The following TECPR1 variants were observed in gnomAD, a reference collection of about 807,000 sequenced individuals.
The protein encoded by TECPR1 is tectonin beta-propeller repeat containing 1, also known as tectonin beta-propeller repeat-containing protein 1.
TECPR1 carries 122 observed loss-of-function variants against 162.4 expected under a neutral mutation model. The ratio of observed to expected loss-of-function variants is 0.75; its 90% CI spans 0.65 to 0.87. The LOEUF (loss-of-function observed/expected upper bound fraction) is 0.87. Among genes scored for constraint, TECPR1 ranks in the 40% least tolerant of loss-of-function variants. The probability of loss-of-function intolerance (pLI) is 0.00; values close to 1 mark genes in which losing one functional copy is unlikely to be tolerated. For missense variants in TECPR1, 1,432 were observed against 1,618.2 expected (o/e 0.88, Z 1.97); for synonymous variants, 642 against 670.6 (o/e 0.96, Z 0.66).
chr7:98,215,324 T>A lies in TECPR1; in HGVS notation c.*2066A>T, dbSNP rs1033079385. On this transcript the variant is annotated 3_prime_UTR_variant, in exon 26 of 26. Transcript: ENST00000447648. ...GAACGGCCCGTGCCCCCACTGTAATTGTGCTGAAAATGTTTCTCAAATGAC... is the reference window on the plus strand; with the variant it reads ...GAACGGCCCGTGCCCCCACTGTAATAGTGCTGAAAATGTTTCTCAAATGAC... 1 of 152,272 alleles carries A rather than the reference T, an allele frequency of 6.6e-6. No individual in the cohort carries two copies. The highest frequency in any genetic ancestry group is 2.4e-5 in the African/African-American group (1 of 41,472). The allele number at this position is 152,272 out of a possible 1,614,324, so 9.4% of individuals were successfully genotyped here.
Position 98,228,129 on chromosome 7 carries a change from G to T in TECPR1, c.2411-13C>A. ...CTGCTGGCCAGGCCTGTGGGGAGAG[G>T]TGGCTGCTGGGACCGAGGCCACATA... On this transcript the variant is annotated splice_polypyrimidine_tract_variant and intron_variant, in intron 16 of 25. Coordinates refer to ENST00000447648, the MANE Select transcript of TECPR1 (RefSeq NM_015395.3). 1 of 1,601,556 alleles carries T rather than the reference G, an allele frequency of 6.2e-7. No individual in the cohort carries two copies. The highest frequency in any genetic ancestry group is 8.5e-7 in the Non-Finnish European group (1 of 1,173,152).
rs376519840 is a variant in TECPR1 at position 98,216,682 on chromosome 7, G to T, written c.*708C>A. 2.0e-5 allele frequency: 3 copies of T among 150,070 alleles called. No individual in the cohort carries two copies. Among genetic ancestry groups the T allele is most frequent in the African/African-American group, 4.9e-5 (2 of 40,662 alleles). The allele number at this position is 150,070 out of a possible 1,614,324, so 9.3% of individuals were successfully genotyped here. On this transcript the variant is annotated 3_prime_UTR_variant, in exon 26 of 26. Coordinates refer to ENST00000447648, the MANE Select transcript of TECPR1 (RefSeq NM_015395.3). ...AACGATTCTCCTGCCTCAGCCTCCCGAGTAGCTGGGATTACAGGCACCCAC... is the reference window on the plus strand; with the variant it reads ...AACGATTCTCCTGCCTCAGCCTCCCTAGTAGCTGGGATTACAGGCACCCAC...
intron 23 of TECPR1, among the ~76,000 whole-genome samples, chr7:98,219,487 C>A (rs902997606): frequency 1.3e-5 from 2 of 152,184 alleles, no homozygotes; most frequent in African/African-American, 4.8e-5. Flanking sequence ...AACTATGCAA[C>A]TGACAAAGGA....
intron 3 of TECPR1, among the ~76,000 whole-genome samples, 152 bp downstream of exon 3, chr7:98,245,770 G>C (rs922589679): frequency 4.6e-5 from 7 of 152,124 alleles, no homozygotes; most frequent in African/African-American, 1.7e-4. Context: ...CACCACGCCT[G>C]GCAGCAACAC....
chr7:98,241,905 T>C lies in TECPR1; in HGVS notation c.658-661A>G, dbSNP rs76678315. Among the ~76,000 whole-genome samples, 436 of 152,280 alleles carry C rather than the reference T, an allele frequency of 2.9e-3. 11 individuals are homozygous for C. Among genetic ancestry groups the C allele is most frequent in the Admixed American group, 0.025 (382 of 15,298 alleles). ...TCCCCAGCTTCTACAGAAGCCCAGG[T>C]CCTGGTGCCACCTCTCATGGACCAC... On this transcript the variant is annotated intron_variant, in intron 6 of 25. Transcript: ENST00000447648. The surrounding 1 kb of genome is among the most constrained non-coding windows in gnomAD (Gnocchi z 5.0).
rs1485652978 is a variant in TECPR1 at position 98,217,738 on chromosome 7, A to C, written c.3338T>G (p.Val1113Gly). The change falls in exon 25 of 26, where the codon GTG (valine) becomes GGG (glycine). Residue 1113 changes from valine (V) to glycine (G), a missense_variant. Physicochemically the swap from Val to Gly is moderately radical, Grantham distance 109. Coordinates refer to ENST00000447648, the MANE Select transcript of TECPR1 (RefSeq NM_015395.3). ...GTGGCCCTTGGGCTCGTGAGGCTGC[A>C]CGCCGGTGCGATGACACACTGTCCC... ...SRGTVCHRTG[V>G]QPHEPKGHGW... is the part of the protein sequence containing the mutation. The C allele has an allele frequency of 1.1e-5, 17 of 1,550,180 alleles. No individual in the cohort carries two copies. In the South Asian group the frequency reaches 2.0e-4, roughly 18 times the overall value.
rs1798474821 is a variant in TECPR1 at position 98,232,633 on chromosome 7, C to T, written c.1818+194G>A. On this transcript the variant is annotated intron_variant, in intron 12 of 25. Coordinates refer to ENST00000447648, the MANE Select transcript of TECPR1 (RefSeq NM_015395.3). The surrounding 1 kb of genome is among the most constrained non-coding windows in gnomAD (Gnocchi z 4.6). ...CAGGGCCTCCAACGAGTCTGGAACACAGTGAGGCCCAAACCAAAGTCTTCA... is the reference window on the plus strand; with the variant it reads ...CAGGGCCTCCAACGAGTCTGGAACATAGTGAGGCCCAAACCAAAGTCTTCA... 1.3e-5 allele frequency among the ~76,000 whole-genome samples: 2 copies of T among 150,930 alleles called. 1 individual carries two copies. The highest frequency in any genetic ancestry group is 1.3e-4 in the Admixed American group (2 of 15,172).
rs150509376 is a variant in TECPR1 at position 98,243,627 on chromosome 7, C to T, written c.532-35G>A. 1.3e-3 allele frequency: 2,028 copies of T among 1,597,172 alleles called. 30 individuals are homozygous for T. The African/African-American group carries it at 0.021, about 16-fold the overall frequency. ...GGAAGTGAGAAATGGTAGCAGTCAG[C>T]GCCCAGTGGGCACCTGGGCATGCAC... On this transcript the variant is annotated intron_variant, in intron 5 of 25. Transcript: ENST00000447648.
intron 11 of TECPR1, 76 bp from the exon 12 acceptor site, chr7:98,233,048 C>T: frequency 6.7e-7 from 1 of 1,485,398 alleles, no homozygotes; most frequent in Non-Finnish European, 9.0e-7. Flanking sequence ...GCGCTCCCCT[C>T]CACCAAATCA....
chr7:98,234,446 G>A (rs1260518179), intron 10 of TECPR1, among the ~76,000 whole-genome samples: 1 of 152,136 alleles, frequency 6.6e-6, no homozygotes, highest in Non-Finnish European at 1.5e-5. Flanking sequence ...GAGCCACCGC[G>A]CCCGATCATA....
intron 2 of TECPR1, chr7:98,250,864 G>A (rs955974279): frequency 6.6e-6 from 1 of 152,114 alleles, no homozygotes; most frequent in Non-Finnish European, 1.5e-5. Context: ...AGGGAGGGGT[G>A]GGGGGTTGCT....
intron 10 of TECPR1, among the ~76,000 whole-genome samples, chr7:98,235,386 G>A (rs1343485466): frequency 6.6e-6 from 1 of 152,104 alleles, no homozygotes; most frequent in African/African-American, 2.4e-5. Context: ...TTAGCCAGGT[G>A]TGGTGGCGGG....
chr7:98,220,788 C>A (rs1164413342), intron 23 of TECPR1, among the ~76,000 whole-genome samples: 1 of 151,998 alleles, frequency 6.6e-6, no homozygotes, highest in Non-Finnish European at 1.5e-5. Context: ...GATTTCCTGA[C>A]CTTGTGATCC....
chr7:98,227,391 CAA>C (rs199953374), intron 17 of TECPR1, among the ~76,000 whole-genome samples: 20 of 118,686 alleles, frequency 1.7e-4, no homozygotes, highest in Admixed American at 2.6e-4. Flanking sequence ...GACTCGGTCT[CAA>C]AAAAAAAAAA....
Position 98,229,063 on chromosome 7 carries a change from CG to C in TECPR1, c.2385del (p.Gly796AlafsTer23). On this transcript the variant is annotated frameshift_variant, in exon 16 of 26. Coordinates refer to ENST00000447648, the MANE Select transcript of TECPR1 (RefSeq NM_015395.3). LOFTEE classifies it high-confidence loss of function. ...GYDHTAWVYT[G>X]GYGGGCFQGL... ...CCTTGGAAGCAGCCGCCTCCATAGCCGCCTGTGTATACCCAGGCCGTGTGGT... is the reference window on the plus strand; with the variant it reads ...CCTTGGAAGCAGCCGCCTCCATAGCCCCTGTGTATACCCAGGCCGTGTGGT... 6.3e-7 allele frequency: 1 copy of C among 1,595,556 alleles called. No individual in the cohort carries two copies. The highest frequency in any genetic ancestry group is 8.5e-7 in the Non-Finnish European group (1 of 1,171,422).
chr7:98,238,634 G>T, intron 8 of TECPR1, 24 bp from the exon 9 acceptor site: 1 of 1,544,790 alleles, frequency 6.5e-7, no homozygotes, highest in Non-Finnish European at 8.8e-7. Context: ...AAATAAACAT[G>T]CCTTCCTGGA....
In TECPR1 at chr7:98,231,889, C is replaced by A; in HGVS notation, c.1889G>T (p.Arg630Leu). ...CCCCGTGAACTGCTCCAGGGCCAAGCGCACGTCCACCCACTTGTGGGGCTT... is the reference window on the plus strand; with the variant it reads ...CCCCGTGAACTGCTCCAGGGCCAAGAGCACGTCCACCCACTTGTGGGGCTT... ...DWKPHKWVDV[R>L]LALEQFTGHD... is the part of the protein sequence containing the mutation. Residue 630 changes from arginine (R) to leucine (L), a missense_variant, in exon 13 of 26, where the codon CGC (arginine) becomes CTC (leucine). Transcript: ENST00000447648. 6.2e-7 allele frequency: 1 copy of A among 1,612,030 alleles called. No individual in the cohort carries two copies. Among genetic ancestry groups the A allele is most frequent in the Non-Finnish European group, 8.5e-7 (1 of 1,179,836 alleles).
At chr7:98,239,006 A>C (rs1360659843) in intron 8 of TECPR1, among the ~76,000 whole-genome samples, 1 of 152,242 alleles carries the variant, frequency 6.6e-6, no homozygotes, top group Non-Finnish European at 1.5e-5. Flanking sequence ...TAGAAAAAAC[A>C]AGACCCCTAT....
Position 98,230,948 on chromosome 7 carries a change from G to A in TECPR1, c.2282+13C>T. On this transcript the variant is annotated intron_variant, in intron 15 of 25. Transcript: ENST00000447648. The stretch of plus-strand genomic sequence containing the variant: ...CCAGGCCCCAGACCCCACCCAGAGT[G>A]CGGCTCACTCACATCTGGTCGCAGG... 2 of 1,607,886 alleles carry A rather than the reference G, an allele frequency of 1.2e-6. No homozygotes were observed. Among genetic ancestry groups the A allele is most frequent in the Non-Finnish European group, 1.7e-6 (2 of 1,177,382 alleles).
Sources: allele counts gnomAD v4.1 joint callset (sites outside exome capture counted in the v4.1 genomes callset), GRCh38; gene constraint gnomAD v4.1.1; non-coding constraint Gnocchi (gnomAD v3.1); transcripts MANE v1.5; gene names NCBI Gene and HGNC (gene_info 2026-07-23, HGNC 2026-07-21).